The following FBXO16 variants were observed in gnomAD, a reference collection of about 807,000 sequenced individuals.
The protein encoded by FBXO16 is F-box only protein 16.
Under a neutral mutation model 41.0 loss-of-function variants are expected in FBXO16, and 31 were observed. The observed-to-expected ratio is 0.76, with a 90% CI of 0.57 to 1.02. FBXO16 has a LOEUF of 1.02. Among genes scored for constraint, FBXO16 ranks in the 50% least tolerant of loss-of-function variants. FBXO16 has a pLI of 0.00. For missense variants in FBXO16, 361 were observed against 346.2 expected, an observed-to-expected ratio of 1.04 and a Z score of -0.34; for synonymous variants, 133 against 117.8, an observed-to-expected ratio of 1.13 and a Z score of -0.84.
intron 6 of FBXO16, 21 bp downstream of exon 6, chr8:28,452,223 G>A (rs1460616195): frequency 6.3e-7 from 1 of 1,591,148 alleles, no homozygotes. Flanking sequence ...AAGAAGTTGA[G>A]AAGAGCATGG....
At chr8:28,473,975 TTC>T (rs769224113) in intron 2 of FBXO16, among the ~76,000 whole-genome samples, 168 bp from the exon 3 acceptor site, 69 of 152,148 alleles carry the variant, frequency 4.5e-4, no homozygotes, top group Middle Eastern at 3.4e-3. Context: ...TGGGCAAGGT[TTC>T]TCTCTCTTTT....
chr8:28,446,833 T>C (rs1802871766), intron 7 of FBXO16: 1 of 161,962 alleles, frequency 6.2e-6, no homozygotes, highest in Non-Finnish European at 1.3e-5. Context: ...AATCATGCCA[T>C]TGCACTCCAG....
rs1287512624 is a variant in FBXO16 at position 28,428,418 on chromosome 8, G to T, written c.*309C>A. The T allele has an allele frequency of 8.3e-6, 6 of 724,580 alleles. No homozygotes were observed. Among genetic ancestry groups the T allele is most frequent in the Admixed American group, 3.4e-5 (1 of 29,400 alleles). The allele number at this position is 724,580 out of a possible 1,614,324, so 44.9% of individuals were successfully genotyped here. ...GTAAATCTGTCCACATTTATGCCAT[G>T]AATTCCTTTTTACTGAAATACCGTA... is the stretch of plus-strand genomic sequence containing the variant. On this transcript the variant is annotated 3_prime_UTR_variant, in exon 9 of 9. Coordinates refer to ENST00000380254, the MANE Select transcript of FBXO16 (RefSeq NM_172366.4).
intron 3 of FBXO16, among the ~76,000 whole-genome samples, chr8:28,465,604 G>C (rs1365454017): frequency 6.6e-6 from 1 of 151,344 alleles, no homozygotes; most frequent in African/African-American, 2.4e-5. Context: ...AGCAGAGAGA[G>C]GCCCTGTCAA....
At chr8:28,459,356 G>A (rs1803086583) in intron 4 of FBXO16, among the ~76,000 whole-genome samples, 1 of 152,018 alleles carries the variant, frequency 6.6e-6, no homozygotes, top group African/African-American at 2.4e-5. Flanking sequence ...AGTGGCTCAC[G>A]CTTGTAATCC....
intron 7 of FBXO16, among the ~76,000 whole-genome samples, chr8:28,441,842 T>C (rs1361792203): frequency 6.7e-6 from 1 of 150,164 alleles, no homozygotes; most frequent in African/African-American, 2.4e-5. Flanking sequence ...AGTTTATATA[T>C]ATATATAATG....
intron 1 of FBXO16, among the ~76,000 whole-genome samples, chr8:28,487,392 AT>A (rs56197407): frequency 0.27 from 33,868 of 125,472 alleles, 2,509 homozygotes; most frequent in East Asian, 0.3. Context: ...AAGAAGACAG[AT>A]TTTTTTTTTT....
chr8:28,455,786 T>A (rs1283583624), intron 5 of FBXO16: 3 of 152,196 alleles, frequency 2.0e-5, no homozygotes, highest in African/African-American at 7.2e-5. Flanking sequence ...ACTACTGAAA[T>A]CAGAAAGACT....
intron 3 of FBXO16, among the ~76,000 whole-genome samples, chr8:28,465,915 C>T (rs1388118672): frequency 6.6e-6 from 1 of 152,108 alleles, no homozygotes; most frequent in Non-Finnish European, 1.5e-5. Context: ...TTGGTTTGGT[C>T]TGTTGGGGCC....
At chr8:28,443,126 C>T (rs2130103317) in intron 7 of FBXO16, among the ~76,000 whole-genome samples, 1 of 152,094 alleles carries the variant, frequency 6.6e-6, no homozygotes, top group South Asian at 2.1e-4. Flanking sequence ...TCAAGTGATC[C>T]TCCCACCTCA....
At chr8:28,446,309 G>A (rs1451893425) in intron 7 of FBXO16, among the ~76,000 whole-genome samples, 2 of 142,258 alleles carry the variant, frequency 1.4e-5, no homozygotes, top group African/African-American at 5.2e-5. Flanking sequence ...CCCCGCACCC[G>A]CCATAGGCAT....
At chr8:28,456,422 A>G (rs1392535558) in intron 5 of FBXO16, among the ~76,000 whole-genome samples, 2 of 152,328 alleles carry the variant, frequency 1.3e-5, no homozygotes, top group Non-Finnish European at 2.9e-5. Flanking sequence ...TTGAAGACCC[A>G]TAGGTAACAA....
chr8:28,463,228 GTGTGTGTTTGTGTACACGTT>G (rs2130155399), intron 4 of FBXO16, among the ~76,000 whole-genome samples: 1 of 150,356 alleles, frequency 6.7e-6, no homozygotes, highest in Non-Finnish European at 1.5e-5. Context: ...GTGTGTCCGT[GTGTGTGTTTGTGTACACGTT>G]TGTGTGTTTG....
At chr8:28,446,697 C>A (rs1802869590) in intron 7 of FBXO16, among the ~76,000 whole-genome samples, 1 of 151,762 alleles carries the variant, frequency 6.6e-6, no homozygotes, top group African/African-American at 2.4e-5. Context: ...CATGGAGAAA[C>A]CCCGTCTCTA....
At chr8:28,443,318 C>G (rs1204362291) in intron 7 of FBXO16, among the ~76,000 whole-genome samples, 1 of 152,178 alleles carries the variant, frequency 6.6e-6, no homozygotes, top group Non-Finnish European at 1.5e-5. Flanking sequence ...GCCACTGCCC[C>G]CTGGCCATGT....
intron 1 of FBXO16, among the ~76,000 whole-genome samples, chr8:28,486,506 A>G (rs190779647): frequency 0.011 from 1,626 of 149,884 alleles, 23 homozygotes; most frequent in African/African-American, 0.034. Context: ...TTACAGGCGT[A>G]AGCCACCGCC....
intron 1 of FBXO16, among the ~76,000 whole-genome samples, chr8:28,489,124 G>A (rs1803647626): frequency 6.6e-6 from 1 of 152,152 alleles, no homozygotes; most frequent in Non-Finnish European, 1.5e-5. Context: ...CTGAGCTCAG[G>A]AGTTCAAGAC....
intron 3 of FBXO16, among the ~76,000 whole-genome samples, chr8:28,464,617 T>C (rs1320866367): frequency 6.6e-6 from 1 of 152,242 alleles, no homozygotes; most frequent in Non-Finnish European, 1.5e-5. Context: ...TTTTTGTATA[T>C]TATTGCATTT....
chr8:28,461,709 A>T (rs1192896117), intron 4 of FBXO16, among the ~76,000 whole-genome samples: 1 of 152,182 alleles, frequency 6.6e-6, no homozygotes, highest in Non-Finnish European at 1.5e-5. Context: ...TATAGTCACA[A>T]TTTAAAAATC....
Sources: allele counts gnomAD v4.1 joint callset (sites outside exome capture counted in the v4.1 genomes callset), GRCh38; gene constraint gnomAD v4.1.1; transcripts MANE v1.5; gene names NCBI Gene and HGNC (gene_info 2026-07-23, HGNC 2026-07-21).